EYS: variants seen among roughly 807,000 people sequenced by gnomAD.
The protein encoded by EYS is EGF-like photoreceptor maintenance factor.
Under a neutral mutation model 282.1 loss-of-function variants are expected in EYS, and 250 were observed. The ratio of observed to expected loss-of-function variants is 0.89; its 90% CI spans 0.80 to 0.98. EYS has a LOEUF of 0.98. EYS is among the 50% of genes least tolerant of loss of function. The probability of loss-of-function intolerance (pLI) is 0.00; values close to 1 mark genes in which losing one functional copy is unlikely to be tolerated. For missense variants in EYS, 4,016 were observed against 3,709.0 expected, an observed-to-expected ratio of 1.08 and a Z score of -2.15; for synonymous variants, 1,355 against 1,282.9, an observed-to-expected ratio of 1.06 and a Z score of -1.20.
intron 12 of EYS, among the ~76,000 whole-genome samples, chr6:65,064,306 A>AT (rs891353552): frequency 2.1e-4 from 29 of 141,332 alleles, no homozygotes; most frequent in Admixed American, 2.2e-4. Context: ...TCTTCTCTTT[A>AT]TTTTTTTGTG....
At chr6:64,677,681 A>C (rs1769742616) in intron 22 of EYS, among the ~76,000 whole-genome samples, 1 of 152,148 alleles carries the variant, frequency 6.6e-6, no homozygotes, top group Non-Finnish European at 1.5e-5. Flanking sequence ...ATTTCTTCTA[A>C]AAGTTTCAGT....
rs1320839007 is a variant in EYS at position 64,378,929 on chromosome 6, A to G, written c.6078+9761T>C. The stretch of plus-strand genomic sequence containing the variant: ...GAGGATTGGTTTTTAATTATCAGAA[A>G]GCTAGTTTTGTCATATCATGCCCTG... On this transcript the variant is annotated intron_variant, in intron 29 of 42. Coordinates refer to ENST00000503581, the MANE Select transcript of EYS (RefSeq NM_001142800.2). Among the ~76,000 whole-genome samples the G allele has an allele frequency of 2.6e-5, 4 of 152,192 alleles. No individual in the cohort carries two copies. The East Asian group carries it at 7.7e-4, about 29-fold the overall frequency.
intron 2 of EYS, among the ~76,000 whole-genome samples, chr6:65,582,198 CAAATAAAT>C (rs3049810): frequency 1.4e-4 from 20 of 143,178 alleles, no homozygotes; most frequent in East Asian, 6.2e-4. Flanking sequence ...TCCATCTCAA[CAAATAAAT>C]AAATAAATAA....
chr6:65,447,792 T>C (rs1768732751), intron 5 of EYS, among the ~76,000 whole-genome samples: 1 of 151,974 alleles, frequency 6.6e-6, no homozygotes, highest in African/African-American at 2.4e-5. Flanking sequence ...ATGAGGGAGC[T>C]AGGGAACACT....
intron 22 of EYS, among the ~76,000 whole-genome samples, chr6:64,729,993 C>A (rs1221567572): frequency 6.6e-6 from 1 of 151,768 alleles, no homozygotes; most frequent in Non-Finnish European, 1.5e-5. Context: ...AGGAAAATGA[C>A]AAATATAGAA....
In EYS at chr6:65,326,584, G is replaced by T. The variant is rs1769628920; in HGVS notation, c.1766+8396C>A. On this transcript the variant is annotated intron_variant, in intron 11 of 42. Coordinates refer to ENST00000503581, the MANE Select transcript of EYS (RefSeq NM_001142800.2). ...AACTTTTATCCTTTTTATATACACA[G>T]TAAAACAAAAAATTTATTTTTGTTT... Among the ~76,000 whole-genome samples the T allele has an allele frequency of 2.0e-5, 3 of 151,000 alleles. No individual in the cohort carries two copies. The South Asian group carries it at 6.2e-4, about 31-fold the overall frequency.
chr6:64,938,350 G>GAC (rs1295842928), intron 15 of EYS, among the ~76,000 whole-genome samples: 10 of 151,604 alleles, frequency 6.6e-5, no homozygotes, highest in Non-Finnish European at 1.3e-4. Context: ...GAGAGAGAGA[G>GAC]AGAGAGAGAC....
intron 16 of EYS, among the ~76,000 whole-genome samples, chr6:64,906,131 T>G (rs1767819804): frequency 6.6e-6 from 1 of 151,334 alleles, no homozygotes; most frequent in Non-Finnish European, 1.5e-5. Flanking sequence ...AATATTTGTA[T>G]TCAAATATTA....
In EYS at chr6:64,532,774, T is replaced by A. The variant is rs562816964; in HGVS notation, c.5644+57449A>T. On this transcript the variant is annotated intron_variant, in intron 26 of 42. Transcript: ENST00000503581. ...GGAGAAAATTTTATTTACTACAATG[T>A]TTGTGATTCTTTCCCACACAACGTT... 1.2e-4 allele frequency among the ~76,000 whole-genome samples: 19 copies of A among 152,112 alleles called. No homozygotes were observed. The South Asian group carries it at 3.9e-3, about 32-fold the overall frequency.
At chr6:65,266,225 G>T (rs1429050340) in intron 12 of EYS, among the ~76,000 whole-genome samples, 3 of 151,786 alleles carry the variant, frequency 2.0e-5, no homozygotes, top group African/African-American at 7.3e-5. Flanking sequence ...TCTAGTTATT[G>T]CAACACCTGT....
chr6:64,124,824 G>T (rs548534921), intron 31 of EYS, among the ~76,000 whole-genome samples: 49 of 152,160 alleles, frequency 3.2e-4, no homozygotes, highest in African/African-American at 1.1e-3. Flanking sequence ...TATCAAAAAG[G>T]GAGTTGGAAG....
chr6:65,204,663 A>C (rs1354987750), intron 12 of EYS, among the ~76,000 whole-genome samples: 4 of 151,776 alleles, frequency 2.6e-5, no homozygotes, highest in African/African-American at 9.7e-5. Flanking sequence ...ACAAAACTAT[A>C]ACAGGAATAA....
intron 19 of EYS, among the ~76,000 whole-genome samples, chr6:64,878,204 G>A (rs979917051): frequency 2.6e-5 from 4 of 151,994 alleles, no homozygotes; most frequent in Non-Finnish European, 4.4e-5. Context: ...CAGCCTAGGC[G>A]ACAACAGCGA....
intron 14 of EYS, among the ~76,000 whole-genome samples, chr6:64,947,049 G>A (rs534767263): frequency 6.6e-6 from 1 of 151,832 alleles, no homozygotes; most frequent in Non-Finnish European, 1.5e-5. Context: ...ATACTTATAA[G>A]CACAATGTGA....
Position 64,768,330 on chromosome 6 carries a change from A to G in EYS, c.3443+45048T>C, listed in dbSNP as rs137871948. ...AGAAAATATAAAAACCATGATGATA[A>G]TAAAAATGATTTTTAATGTTGCCTT... is the stretch of plus-strand genomic sequence containing the variant. On this transcript the variant is annotated intron_variant, in intron 22 of 42. Transcript: ENST00000503581. Among the ~76,000 whole-genome samples the G allele has an allele frequency of 6.6e-5, 10 of 152,276 alleles. No individual in the cohort carries two copies. The East Asian group carries it at 1.9e-3, about 29-fold the overall frequency.
At chr6:65,016,051 G>GAAAGA (rs1356417321) in intron 13 of EYS, among the ~76,000 whole-genome samples, 1 of 108,492 alleles carries the variant, frequency 9.2e-6, no homozygotes, top group South Asian at 3.1e-4. Context: ...ATCAAAAAAA[G>GAAAGA]AAAGAAAAGA....
chr6:65,677,770 C>T (rs551989878), intron 1 of EYS, among the ~76,000 whole-genome samples: 1 of 151,976 alleles, frequency 6.6e-6, no homozygotes, highest in Non-Finnish European at 1.5e-5. Context: ...AATAACAAAG[C>T]TAGAGGGCTA....
chr6:64,917,572 G>A (rs1465897703), intron 15 of EYS, among the ~76,000 whole-genome samples: 1 of 152,124 alleles, frequency 6.6e-6, no homozygotes, highest in Non-Finnish European at 1.5e-5. Context: ...CAGTGGAGAT[G>A]TTGGTCACAG....
chr6:64,336,161 C>T (rs1770844820), intron 29 of EYS, among the ~76,000 whole-genome samples: 1 of 152,034 alleles, frequency 6.6e-6, no homozygotes, highest in Non-Finnish European at 1.5e-5. Context: ...ATGTAAATGG[C>T]CTAAATGTTC....
Sources: gnomAD v4.1 joint callset for allele counts (sites outside exome capture counted in the v4.1 genomes callset) on GRCh38, gnomAD v4.1.1 for gene constraint, MANE v1.5 for transcripts, NCBI Gene and HGNC (gene_info 2026-07-23, HGNC 2026-07-21) for gene names.